SPTA1: variants seen among roughly 807,000 people sequenced by gnomAD.
SPTA1 encodes the protein spectrin alpha chain, erythrocytic 1.
SPTA1 carries 177 observed loss-of-function variants against 324.7 expected under a neutral mutation model. The observed-to-expected ratio is 0.55, with a 90% CI of 0.48 to 0.62. The LOEUF is 0.62. Ranked by LOEUF, SPTA1 falls within the 20% of genes least tolerant of loss-of-function variation. SPTA1 has a pLI of 0.00. For missense variants in SPTA1, 3,162 were observed against 2,883.6 expected, an observed-to-expected ratio of 1.10 and a Z score of -2.21; for synonymous variants, 1,195 against 1,041.3, an observed-to-expected ratio of 1.15 and a Z score of -2.84.
At chr1:158,661,444 T>C (rs1357892663) in intron 17 of SPTA1, 35 bp from the exon 18 acceptor site, 1 of 1,613,454 alleles carries the variant, frequency 6.2e-7, no homozygotes, top group Non-Finnish European at 8.5e-7. Flanking sequence ...TTTCGGATTA[T>C]CCTGGTGTAT....
rs372380092 is a variant in SPTA1 at position 158,627,695 on chromosome 1, T to C, written c.5594A>G (p.Glu1865Gly). 1 of 1,613,114 alleles carries C rather than the reference T, an allele frequency of 6.2e-7. No homozygotes were observed. Among genetic ancestry groups the C allele is most frequent in the Non-Finnish European group, 8.5e-7 (1 of 1,179,710 alleles). The change falls in exon 40 of 52, where the codon GAA (glutamate) becomes GGA (glycine). Residue 1865 changes from glutamate (E) to glycine (G), a missense_variant. Coordinates refer to ENST00000643759, the MANE Select transcript of SPTA1 (RefSeq NM_003126.4). ...QSLLMKHEAL[E>G]NDFAVHETRV... ...GGTCTCATGGACAGCAAAGTCATTT[T>C]CCAAAGCTTCATGCTTCATTAGCAA...
At chr1:158,683,285 C>A in intron 3 of SPTA1, 86 bp downstream of exon 3, 1 of 1,594,840 alleles carries the variant, frequency 6.3e-7, no homozygotes. Context: ...AAGCCAGCCA[C>A]TCAAGGTTTA....
rs142596263 is a variant in SPTA1 at position 158,617,781 on chromosome 1, C to A, written c.6549-193G>T. Among the ~76,000 whole-genome samples, 469 of 152,278 alleles carry A rather than the reference C, an allele frequency of 3.1e-3. 2 individuals carry two copies. The highest frequency in any genetic ancestry group is 0.011 in the African/African-American group (442 of 41,562). On this transcript the variant is annotated intron_variant, in intron 46 of 51. Coordinates refer to ENST00000643759, the MANE Select transcript of SPTA1 (RefSeq NM_003126.4). ...AGGGAAGACTTTCCCTAGTTCTTCT[C>A]TGACTAGGAGAAGGCTTTCACATAC...
chr1:158,654,119 T>A (rs899503484), intron 21 of SPTA1, among the ~76,000 whole-genome samples: 1 of 152,326 alleles, frequency 6.6e-6, no homozygotes, highest in Admixed American at 6.5e-5. Context: ...TACTTCAGTT[T>A]TTATGAAAAA....
intron 39 of SPTA1, among the ~76,000 whole-genome samples, chr1:158,632,095 A>G (rs143321943): frequency 1.8e-4 from 27 of 152,332 alleles, no homozygotes; most frequent in African/African-American, 6.0e-4. Flanking sequence ...TATTCATTCA[A>G]TAAAATACCA....
intron 32 of SPTA1, 81 bp from the exon 33 acceptor site, chr1:158,642,623 G>T (rs956564564): frequency 1.3e-6 from 2 of 1,590,908 alleles, no homozygotes; most frequent in African/African-American, 1.4e-5. Flanking sequence ...TAAAAGGAAG[G>T]GCTAATATTT....
chr1:158,678,114 C>T (rs907064481), intron 6 of SPTA1, among the ~76,000 whole-genome samples: 15 of 152,126 alleles, frequency 9.9e-5, no homozygotes, highest in African/African-American at 3.6e-4. Flanking sequence ...CTCCACCTTC[C>T]ATTTAATTAT....
Position 158,678,426 on chromosome 1 carries a change from C to A in SPTA1, c.787G>T (p.Ala263Ser). The change falls in exon 6 of 52, where the codon GCT (alanine) becomes TCT (serine). Residue 263 changes from alanine to serine, a missense_variant. By Grantham distance (99) the Ala-to-Ser change is moderately conservative. Transcript: ENST00000643759. ...ALQRQKALSN[A>S]ANLQRFKRDV... ...CTTTTGAATCGTTGTAAGTTTGCAGCATTGGACAGAGCTTTCTGTCTCTGG... is the reference window on the plus strand; with the variant it reads ...CTTTTGAATCGTTGTAAGTTTGCAGAATTGGACAGAGCTTTCTGTCTCTGG... The A allele has an allele frequency of 6.2e-7, 1 of 1,613,706 alleles. No homozygotes were observed. Among genetic ancestry groups the A allele is most frequent in the Non-Finnish European group, 8.5e-7 (1 of 1,179,722 alleles).
chr1:158,685,413 T>A, intron 1 of SPTA1, 66 bp from the exon 2 acceptor site: 2 of 1,598,242 alleles, frequency 1.3e-6, no homozygotes, highest in Non-Finnish European at 1.7e-6. Flanking sequence ...CCCGCTTATA[T>A]GTGTCAAGGT....
intron 8 of SPTA1, 42 bp downstream of exon 8, chr1:158,676,099 C>T (rs778640089): frequency 6.2e-7 from 1 of 1,612,102 alleles, no homozygotes; most frequent in African/African-American, 1.3e-5. Context: ...TATCTGGGCC[C>T]TGTAGAGATA....
At chr1:158,657,790 A>G (rs1252259634) in intron 18 of SPTA1, 96 bp from the exon 19 acceptor site, 1 of 1,270,656 alleles carries the variant, frequency 7.9e-7, no homozygotes, top group Non-Finnish European at 1.1e-6. Context: ...AGGAAGTGAT[A>G]AAAATGGTAT....
Position 158,654,633 on chromosome 1 carries a change from G to A in SPTA1, c.3014C>T (p.Thr1005Met), listed in dbSNP as rs1416248168. Residue 1005 changes from threonine to methionine, a missense_variant, in exon 21 of 52, where the codon ACG becomes ATG. Physicochemically the swap from Thr to Met is moderately conservative, Grantham distance 81. Coordinates refer to ENST00000643759, the MANE Select transcript of SPTA1 (RefSeq NM_003126.4). Reference sequence around the variant, plus strand: ...CACCTTATTGATGGAACTGAGCAGCGTTAAGACATCACCTTTCTTCATGGT... The same window carrying A: ...CACCTTATTGATGGAACTGAGCAGCATTAAGACATCACCTTTCTTCATGGT... ...EVTMKKGDVL[T>M]LLSSINKDWW... 7 of 1,613,738 alleles carry A rather than the reference G, an allele frequency of 4.3e-6. No homozygotes were observed. Among genetic ancestry groups the A allele is most frequent in the East Asian group, 4.5e-5 (2 of 44,858 alleles).
At chr1:158,641,147 C>A (rs1264338782) in intron 33 of SPTA1, among the ~76,000 whole-genome samples, 2 of 152,230 alleles carry the variant, frequency 1.3e-5, no homozygotes, top group Non-Finnish European at 2.9e-5. Flanking sequence ...AAACCTTATA[C>A]AAAAATTAAT....
At chr1:158,643,076 T>G in intron 31 of SPTA1, 100 bp from the exon 32 acceptor site, 1 of 1,493,058 alleles carries the variant, frequency 6.7e-7, no homozygotes, top group Admixed American at 1.9e-5. Context: ...GCCTCTTTTC[T>G]TCTCACATAG....
Position 158,651,438 on chromosome 1 carries a change from C to A in SPTA1, c.3406G>T (p.Asp1136Tyr), listed in dbSNP as rs749179805. The A allele has an allele frequency of 2.6e-5, 42 of 1,613,596 alleles. No homozygotes were observed. Among genetic ancestry groups the A allele is most frequent in the Non-Finnish European group, 3.6e-5 (42 of 1,179,724 alleles). Residue 1136 changes from aspartate to tyrosine, a missense_variant, in exon 24 of 52, where the codon GAT becomes TAT. Asp to Tyr is a radical substitution (Grantham distance 160). Coordinates refer to ENST00000643759, the MANE Select transcript of SPTA1 (RefSeq NM_003126.4). Reference protein sequence around the residue: ...DLNTNEPRLRDINKVADDLLF... With the variant: ...DLNTNEPRLRYINKVADDLLF... ...AGATCATCAGCTACCTTGTTGATAT[C>A]CCTTAGCCGAGGCTCATTGGTATTC...
intron 51 of SPTA1, chr1:158,612,008 C>G (rs1452789627): frequency 6.4e-6 from 1 of 156,036 alleles, no homozygotes; most frequent in Non-Finnish European, 1.4e-5. Context: ...AGAATTGCAC[C>G]TTTAATGTGT....
At chr1:158,638,360 G>T in intron 35 of SPTA1, 119 bp from the exon 36 acceptor site, 1 of 1,014,896 alleles carries the variant, frequency 9.9e-7, no homozygotes, top group Non-Finnish European at 1.5e-6. Flanking sequence ...TTAAAGACAT[G>T]GAGTTTGATT....
intron 39 of SPTA1, 127 bp from the exon 40 acceptor site, chr1:158,627,850 C>A (rs563800157): frequency 4.7e-6 from 4 of 851,258 alleles, no homozygotes; most frequent in Non-Finnish European, 5.8e-6. Flanking sequence ...TAGGTGAATG[C>A]CCACTTTTTC....
intron 8 of SPTA1, 62 bp downstream of exon 8, chr1:158,676,079 C>G: frequency 6.2e-7 from 1 of 1,607,094 alleles, no homozygotes; most frequent in Non-Finnish European, 8.5e-7. Flanking sequence ...TATTTCTTCT[C>G]TCGCTATTAT....
Sources: allele counts gnomAD v4.1 joint callset (sites outside exome capture counted in the v4.1 genomes callset), GRCh38; gene constraint gnomAD v4.1.1; transcripts MANE v1.5; gene names NCBI Gene and HGNC (gene_info 2026-07-23, HGNC 2026-07-21).